SNTB2: variants seen among roughly 807,000 people sequenced by gnomAD.
SNTB2 encodes beta-2-syntrophin.
SNTB2 carries 34 observed loss-of-function variants against 46.2 expected under a neutral mutation model. That is an observed-to-expected ratio of 0.74 (90% confidence interval 0.56 to 0.98). The LOEUF (loss-of-function observed/expected upper bound fraction) is 0.98, where lower values mean the gene tolerates loss of function less well. Ranked by LOEUF, SNTB2 falls within the 50% of genes least tolerant of loss-of-function variation. The pLI, the probability that SNTB2 is intolerant of heterozygous loss-of-function variation, is 0.00. For missense variants in SNTB2, 603 were observed against 731.4 expected (o/e 0.82, Z 2.02); for synonymous variants, 290 against 312.6 (o/e 0.93, Z 0.76).
chr16:69,234,753 A>G (rs531445715), intron 1 of SNTB2, among the ~76,000 whole-genome samples: 26 of 147,966 alleles, frequency 1.8e-4, no homozygotes, highest in African/African-American at 6.3e-4. Context: ...CCTAGGCTGG[A>G]GTGCAGTGGC....
intron 1 of SNTB2, chr16:69,230,546 A>G (rs968831404): frequency 1.3e-5 from 2 of 151,872 alleles, no homozygotes; most frequent in African/African-American, 4.8e-5. Flanking sequence ...TATTTTTAGT[A>G]GAGATGGGGT....
intron 2 of SNTB2, among the ~76,000 whole-genome samples, chr16:69,259,150 AACACCG>A (rs1023364171): frequency 6.6e-6 from 1 of 151,746 alleles, no homozygotes; most frequent in Non-Finnish European, 1.5e-5. Flanking sequence ...TTATTACATT[AACACCG>A]AAACGACAGA....
At chr16:69,195,282 T>C (rs1325859344) in intron 1 of SNTB2, among the ~76,000 whole-genome samples, 1 of 152,136 alleles carries the variant, frequency 6.6e-6, no homozygotes, top group Non-Finnish European at 1.5e-5. Context: ...GTTATTATTT[T>C]TTTTTAGAGA....
intron 1 of SNTB2, 84 bp downstream of exon 1, chr16:69,187,830 G>T: frequency 8.7e-7 from 1 of 1,154,816 alleles, no homozygotes; most frequent in Non-Finnish European, 1.1e-6. Flanking sequence ...CCGCCGGCGG[G>T]GCGAGCCGGT....
At chr16:69,213,622 C>G (rs1367943527) in intron 1 of SNTB2, among the ~76,000 whole-genome samples, 3 of 151,612 alleles carry the variant, frequency 2.0e-5, no homozygotes, top group Non-Finnish European at 4.4e-5. Flanking sequence ...GCCTCAGCCT[C>G]CCAAGTAGCT....
intron 4 of SNTB2, among the ~76,000 whole-genome samples, chr16:69,278,053 G>A (rs1470610209): frequency 4.6e-5 from 7 of 152,016 alleles, no homozygotes; most frequent in African/African-American, 9.7e-5. Context: ...ACGGCGGCAC[G>A]CGCCTATTGT....
At chr16:69,238,081 C>T (rs1348313329) in intron 1 of SNTB2, among the ~76,000 whole-genome samples, 1 of 152,128 alleles carries the variant, frequency 6.6e-6, no homozygotes, top group African/African-American at 2.4e-5. Flanking sequence ...CCATCTGTCC[C>T]GGACGCTGAC....
chr16:69,254,153 C>G (rs1964751384), intron 2 of SNTB2, among the ~76,000 whole-genome samples: 1 of 152,110 alleles, frequency 6.6e-6, no homozygotes, highest in Non-Finnish European at 1.5e-5. Flanking sequence ...TTGCCTCCCC[C>G]ACCCAGTTTG....
chr16:69,305,085 T>C lies in SNTB2; in HGVS notation c.*4161T>C, dbSNP rs946491537. ...GATGGGCGAAAGTGTGAGAAAAGGT[T>C]ATAATAGATTCTTTTTTTTAATTTT... is the stretch of plus-strand genomic sequence containing the variant. On this transcript the variant is annotated 3_prime_UTR_variant, in exon 7 of 7. Coordinates refer to ENST00000336278, the MANE Select transcript of SNTB2 (RefSeq NM_006750.4). 1 of 152,302 alleles carries C rather than the reference T, an allele frequency of 6.6e-6. No homozygotes were observed. Among genetic ancestry groups the C allele is most frequent in the Non-Finnish European group, 1.5e-5 (1 of 68,034 alleles). The allele number at this position is 152,302 out of a possible 1,614,324, so 9.4% of individuals were successfully genotyped here.
At chr16:69,193,885 G>GT (rs1460156446) in intron 1 of SNTB2, among the ~76,000 whole-genome samples, 4 of 152,146 alleles carry the variant, frequency 2.6e-5, no homozygotes, top group African/African-American at 9.7e-5. Context: ...TGTCATTGCA[G>GT]TTTCTCTGTT....
chr16:69,204,297 A>G (rs1314815024), intron 1 of SNTB2, among the ~76,000 whole-genome samples: 1 of 152,168 alleles, frequency 6.6e-6, no homozygotes, highest in African/African-American at 2.4e-5. Context: ...AGTGAACAGC[A>G]CTGCTGCTCA....
At chr16:69,211,056 T>C (rs1486142487) in intron 1 of SNTB2, among the ~76,000 whole-genome samples, 2 of 152,146 alleles carry the variant, frequency 1.3e-5, no homozygotes, top group Non-Finnish European at 2.9e-5. Flanking sequence ...TTTGAACTCC[T>C]GGCCTCAAGC....
At position 69,283,334 on chromosome 16, in the gene SNTB2, A is replaced by G. The variant is rs144380251; in HGVS notation, c.1149-714A>G. On this transcript the variant is annotated intron_variant, in intron 4 of 6. Transcript: ENST00000336278. ...GTCATTTGCAAACAAAGACAGTTTT[A>G]TTTATTTTGGAATCATTTTTTTCAC... is the stretch of plus-strand genomic sequence containing the variant. 5.1e-3 allele frequency among the ~76,000 whole-genome samples: 772 copies of G among 152,228 alleles called. 4 individuals carry two copies. The highest frequency in any genetic ancestry group is 5.2e-3 in the Non-Finnish European group (351 of 68,002).
chr16:69,187,188 G>A lies in SNTB2; in HGVS notation c.22G>A (p.Ala8Thr), dbSNP rs1963995819. 5.8e-6 allele frequency: 8 copies of A among 1,379,980 alleles called. No individual in the cohort carries two copies. In the South Asian group the frequency reaches 1.4e-4, roughly 24 times the overall value. 85.5% of individuals were successfully genotyped at this position (1,379,980 alleles called of 1,614,324 possible). Residue 8 changes from alanine to threonine, a missense_variant, in exon 1 of 7, where the codon GCG becomes ACG. Ala to Thr is a moderately conservative substitution (Grantham distance 58, BLOSUM62 0). This residue lies in a region of SNTB2 where 66 missense variants were observed against 39.0 expected (regional missense o/e 1.69). Coordinates refer to ENST00000336278, the MANE Select transcript of SNTB2 (RefSeq NM_006750.4). ...TGGAATGAGGGTAGCTGCGGCGACT[G>A]CGGCGGCTGGAGCGGGGCCGGCCAT... Reference protein sequence around the residue: MRVAAATAAAGAGPAMAV... With the variant: MRVAAATTAAGAGPAMAV...
intron 1 of SNTB2, among the ~76,000 whole-genome samples, chr16:69,206,459 T>G (rs936796516): frequency 6.6e-6 from 1 of 152,028 alleles, no homozygotes; most frequent in Non-Finnish European, 1.5e-5. Flanking sequence ...CCCAGCACTT[T>G]GGGAGGCCAA....
rs139323450 is a variant in SNTB2 at position 69,196,897 on chromosome 16, A to G, written c.580+9151A>G. 7.1e-3 allele frequency among the ~76,000 whole-genome samples: 1,089 copies of G among 152,336 alleles called. 9 individuals carry two copies. Among genetic ancestry groups the G allele is most frequent in the South Asian group, 0.022 (104 of 4,832 alleles). On this transcript the variant is annotated intron_variant, in intron 1 of 6. Transcript: ENST00000336278. ...GATCAGTTTGGGTTAAGAAGCTAGC[A>G]AGTCTAAAGACAGGATTTATTGTTA...
chr16:69,231,987 T>G (rs934884165), intron 1 of SNTB2, among the ~76,000 whole-genome samples: 2 of 152,100 alleles, frequency 1.3e-5, no homozygotes, highest in Non-Finnish European at 2.9e-5. Context: ...GTTAAAGAAG[T>G]TTACCAAGGG....
chr16:69,189,554 T>A (rs1463591474), intron 1 of SNTB2, among the ~76,000 whole-genome samples: 1 of 151,692 alleles, frequency 6.6e-6, no homozygotes, highest in African/African-American at 2.4e-5. Context: ...CAGGAGAACA[T>A]GACGAAACCT....
intron 1 of SNTB2, among the ~76,000 whole-genome samples, chr16:69,241,456 G>C (rs1964613767): frequency 1.3e-5 from 2 of 150,480 alleles, no homozygotes; most frequent in South Asian, 4.3e-4. Context: ...GATTACAGGT[G>C]TGAGCCACCA....
Sources: allele counts gnomAD v4.1 joint callset (sites outside exome capture counted in the v4.1 genomes callset), GRCh38; gene constraint gnomAD v4.1.1; regional missense constraint gnomAD v4.1.1; transcripts MANE v1.5; gene names NCBI Gene and HGNC (gene_info 2026-07-23, HGNC 2026-07-21).